The following AP3S2 variants were observed in gnomAD, a reference collection of about 807,000 sequenced individuals.
AP3S2 encodes AP-3 complex subunit sigma-2.
A neutral mutation model predicts 23.4 loss-of-function variants in AP3S2; 22 were observed. That is an observed-to-expected ratio of 0.94 (90% CI 0.67 to 1.34). The LOEUF (loss-of-function observed/expected upper bound fraction) is 1.34. Ranked by LOEUF, AP3S2 falls within the 40% of genes most tolerant of loss-of-function variation. The probability of loss-of-function intolerance (pLI) is 0.00; values close to 1 mark genes in which losing one functional copy is unlikely to be tolerated. For synonymous variants in AP3S2, 86 were observed against 87.1 expected, an observed-to-expected ratio of 0.99 and a Z score of 0.07; for missense variants, 241 against 236.9, an observed-to-expected ratio of 1.02 and a Z score of -0.11.
chr15:89,877,345 T>A (rs1304116500), intron 3 of AP3S2: 1 of 1,302,318 alleles, frequency 7.7e-7, no homozygotes, highest in East Asian at 5.2e-5. Flanking sequence ...TGTTCTGATG[T>A]CAGGTCCTTG....
intron 4 of AP3S2, among the ~76,000 whole-genome samples, chr15:89,859,159 C>T (rs77009286): frequency 0.025 from 3,478 of 137,708 alleles, 171 homozygotes; most frequent in African/African-American, 0.087. Flanking sequence ...ACAACCAGCC[C>T]AAGTGTCCTT....
chr15:89,871,584 G>C (rs1428139589), intron 3 of AP3S2, 38 bp from the exon 4 acceptor site: 1 of 1,602,732 alleles, frequency 6.2e-7, no homozygotes, highest in Middle Eastern at 1.7e-4. Context: ...AAGAGAAATA[G>C]GAACACATTC....
chr15:89,864,774 TAAGTTGACCC>T (rs972231761), intron 4 of AP3S2, among the ~76,000 whole-genome samples: 2 of 152,160 alleles, frequency 1.3e-5, no homozygotes, highest in African/African-American at 4.8e-5. Context: ...ACTCCTGACC[TAAGTTGACCC>T]ACTCGCCTCA....
chr15:89,859,677 G>A (rs1466404833), intron 4 of AP3S2, among the ~76,000 whole-genome samples: 1 of 150,720 alleles, frequency 6.6e-6, no homozygotes, highest in Non-Finnish European at 1.5e-5. Flanking sequence ...TTACAGGCTC[G>A]AGCCACCGCG....
At chr15:89,866,632 T>C (rs1896129471) in intron 4 of AP3S2, among the ~76,000 whole-genome samples, 2 of 151,906 alleles carry the variant, frequency 1.3e-5, no homozygotes, top group Admixed American at 6.5e-5. Context: ...ATTATAGGCA[T>C]GCACCACCAA....
At chr15:89,851,422 TC>T (rs1447661417) in intron 4 of AP3S2, among the ~76,000 whole-genome samples, 1 of 151,972 alleles carries the variant, frequency 6.6e-6, no homozygotes, top group Non-Finnish European at 1.5e-5. Flanking sequence ...CACTGCAACC[TC>T]CGCCTCCTGC....
intron 5 of AP3S2, among the ~76,000 whole-genome samples, chr15:89,836,014 T>C (rs1895183461): frequency 6.8e-6 from 1 of 146,010 alleles, no homozygotes; most frequent in South Asian, 2.1e-4. Flanking sequence ...GGCAACAGAG[T>C]GAGACTCTGT....
At chr15:89,880,673 CA>C (rs11403473) in intron 3 of AP3S2, among the ~76,000 whole-genome samples, 39 of 137,020 alleles carry the variant, frequency 2.8e-4, no homozygotes, top group South Asian at 1.6e-3. Flanking sequence ...GACTCCGTCT[CA>C]AAAAAAAAAA....
Position 89,866,762 on chromosome 15 carries a change from C to T in AP3S2, c.345+4713G>A, listed in dbSNP as rs144229459. 8.0e-3 allele frequency among the ~76,000 whole-genome samples: 1,215 copies of T among 152,118 alleles called. 25 individuals are homozygous for T. The highest frequency in any genetic ancestry group is 0.048 in the Admixed American group (734 of 15,266). On this transcript the variant is annotated intron_variant, in intron 4 of 5. Coordinates refer to ENST00000336418, the MANE Select transcript of AP3S2 (RefSeq NM_005829.5). ...GGATTATAGGCGTTAGCCACCGCAC[C>T]CGGCCCCTAGACAACATCTATAAGC...
At chr15:89,853,645 AT>A (rs1895717984) in intron 4 of AP3S2, among the ~76,000 whole-genome samples, 1 of 132,740 alleles carries the variant, frequency 7.5e-6, no homozygotes, top group Non-Finnish European at 1.6e-5. Context: ...CCCGGCCGCC[AT>A]CCCATCTAGG....
intron 5 of AP3S2, among the ~76,000 whole-genome samples, chr15:89,836,432 A>C (rs545951748): frequency 6.6e-6 from 1 of 152,368 alleles, no homozygotes; most frequent in African/African-American, 2.4e-5. Flanking sequence ...GGACAGTCAC[A>C]GCTCTAGGGC....
intron 4 of AP3S2, among the ~76,000 whole-genome samples, chr15:89,867,959 C>A (rs539273323): frequency 2.7e-5 from 4 of 148,908 alleles, no homozygotes; most frequent in South Asian, 2.1e-4. Context: ...CCGCCCCATC[C>A]GGCCAGCCGT....
intron 3 of AP3S2, among the ~76,000 whole-genome samples, chr15:89,880,798 T>G (rs569721442): frequency 1.3e-5 from 2 of 152,320 alleles, no homozygotes; most frequent in East Asian, 3.9e-4. Flanking sequence ...CAATTATGTA[T>G]TAAATGTTTA....
At chr15:89,859,695 C>G (rs546979286) in intron 4 of AP3S2, among the ~76,000 whole-genome samples, 1 of 151,004 alleles carries the variant, frequency 6.6e-6, no homozygotes, top group African/African-American at 2.4e-5. Context: ...GCGCCCAGCC[C>G]TTCTTTCTTT....
intron 4 of AP3S2, chr15:89,845,627 T>G (rs149662553): frequency 8.5e-5 from 13 of 152,320 alleles, no homozygotes; most frequent in African/African-American, 2.6e-4. Flanking sequence ...ACCTTGAGGA[T>G]GCCTGCAGAA....
Position 89,859,824 on chromosome 15 carries a change from C to T in AP3S2, c.345+11651G>A, listed in dbSNP as rs796258772. Among the ~76,000 whole-genome samples, 329 of 141,638 alleles carry T rather than the reference C, an allele frequency of 2.3e-3. 2 individuals carry two copies. The highest frequency in any genetic ancestry group is 7.5e-3 in the African/African-American group (283 of 37,686). The allele number at this position is 141,638 out of a possible 152,430, so 92.9% of individuals were successfully genotyped here. ...TGTCACCCAGGCTGGAGTGCAGTGG[C>T]GCGATCTCGGCTCACTGCAAGCTCC... On this transcript the variant is annotated intron_variant, in intron 4 of 5. Transcript: ENST00000336418.
chr15:89,893,462 T>C, intron 1 of AP3S2: 1 of 365,600 alleles, frequency 2.7e-6, no homozygotes, highest in Non-Finnish European at 4.9e-6. Context: ...AAAAAAGAAC[T>C]TTTCCAGTTC....
At chr15:89,866,231 C>T (rs1896115184) in intron 4 of AP3S2, among the ~76,000 whole-genome samples, 1 of 140,644 alleles carries the variant, frequency 7.1e-6, no homozygotes, top group African/African-American at 2.7e-5. Flanking sequence ...AACTGCACTC[C>T]AGCCTGGGCA....
At chr15:89,883,377 T>A (rs1351322899) in intron 3 of AP3S2, among the ~76,000 whole-genome samples, 1 of 152,148 alleles carries the variant, frequency 6.6e-6, no homozygotes, top group Non-Finnish European at 1.5e-5. Context: ...TTGTTAAAAT[T>A]AGAGTAAACA....
Sources: gnomAD v4.1 joint callset for allele counts (sites outside exome capture counted in the v4.1 genomes callset) on GRCh38, gnomAD v4.1.1 for gene constraint, MANE v1.5 for transcripts, NCBI Gene and HGNC (gene_info 2026-07-23, HGNC 2026-07-21) for gene names.